Variants in PCDHA1 observed in about 807,000 individuals in gnomAD.
PCDHA1 encodes protocadherin alpha 1, also known as protocadherin alpha-1.
In PCDHA1, 42 loss-of-function variants were observed where a neutral mutation model predicts 61.3. The ratio of observed to expected loss-of-function variants is 0.69; its 90% CI spans 0.54 to 0.89. The LOEUF is 0.89. Among genes scored for constraint, PCDHA1 ranks in the 40% least tolerant of loss-of-function variants. The probability of loss-of-function intolerance (pLI) is 0.00; values close to 1 mark genes in which losing one functional copy is unlikely to be tolerated. For synonymous variants in PCDHA1, 610 were observed against 553.8 expected, an observed-to-expected ratio of 1.10 and a Z score of -1.43; for missense variants, 1,256 against 1,235.3, an observed-to-expected ratio of 1.02 and a Z score of -0.25.
chr5:140,921,268 C>G (rs2080134153), intron 1 of PCDHA1, among the ~76,000 whole-genome samples: 1 of 151,980 alleles, frequency 6.6e-6, no homozygotes, highest in Non-Finnish European at 1.5e-5. Context: ...GACTTTTATA[C>G]TTACTTGAAA....
At chr5:140,892,158 T>C (rs1442080527) in intron 1 of PCDHA1, among the ~76,000 whole-genome samples, 1 of 152,242 alleles carries the variant, frequency 6.6e-6, no homozygotes, top group Non-Finnish European at 1.5e-5. Context: ...ATTTCTGATA[T>C]GTCCAGTAAC....
At chr5:140,993,532 AG>A (rs2097571069) in intron 3 of PCDHA1, among the ~76,000 whole-genome samples, 7 of 152,102 alleles carry the variant, frequency 4.6e-5, no homozygotes, top group African/African-American at 1.7e-4. Context: ...ACAGAGAGAG[AG>A]AGAGATAGAG....
At chr5:140,822,370 TTAGA>T in intron 1 of PCDHA1, 2 of 1,614,126 alleles carry the variant, frequency 1.2e-6, no homozygotes, top group Non-Finnish European at 1.7e-6. Context: ...GAGGAAATCC[TTAGA>T]TAGAGAAGAA....
At chr5:140,900,439 G>A (rs1348507716) in intron 1 of PCDHA1, among the ~76,000 whole-genome samples, 1 of 152,242 alleles carries the variant, frequency 6.6e-6, no homozygotes, top group East Asian at 1.9e-4. Context: ...CACCACGGCC[G>A]GCTAATTTTT....
chr5:141,005,691 A>G (rs1481537036), intron 3 of PCDHA1, among the ~76,000 whole-genome samples: 1 of 134,408 alleles, frequency 7.4e-6, no homozygotes, highest in Non-Finnish European at 1.6e-5. Flanking sequence ...GACAGAGCGA[A>G]ACTCCGTCTC....
intron 1 of PCDHA1, among the ~76,000 whole-genome samples, chr5:140,914,813 C>T (rs1346638828): frequency 6.6e-6 from 1 of 152,070 alleles, no homozygotes; most frequent in Non-Finnish European, 1.5e-5. Flanking sequence ...GGCAACTTAA[C>T]AGACTGCATA....
intron 1 of PCDHA1, among the ~76,000 whole-genome samples, chr5:140,909,261 G>A (rs1358542746): frequency 6.6e-6 from 1 of 152,226 alleles, no homozygotes; most frequent in Admixed American, 6.5e-5. Flanking sequence ...CTTGCTGACT[G>A]AAGGCAAATT....
intron 1 of PCDHA1, among the ~76,000 whole-genome samples, chr5:140,799,318 G>T (rs1381321002): frequency 1.3e-5 from 2 of 151,844 alleles, no homozygotes; most frequent in African/African-American, 4.8e-5. Flanking sequence ...ACTCTTAAAG[G>T]TACTGAAAAG....
At chr5:140,993,468 AC>A (rs2097564676) in intron 3 of PCDHA1, among the ~76,000 whole-genome samples, 1 of 69,412 alleles carries the variant, frequency 1.4e-5, no homozygotes, top group South Asian at 5.5e-4. Context: ...TTTCTCACAC[AC>A]ACACACACAC....
chr5:140,836,615 G>T (rs2150265724), intron 1 of PCDHA1: 33 of 1,613,516 alleles, frequency 2.0e-5, no homozygotes, highest in Non-Finnish European at 4.2e-6. Context: ...GCTCCAGCGC[G>T]GTGGGGAGCT....
intron 1 of PCDHA1, chr5:140,807,084 G>A: frequency 7.7e-7 from 1 of 1,306,526 alleles, no homozygotes; most frequent in Non-Finnish European, 1.1e-6. Context: ...ACTCTTTGGA[G>A]TCTGAAATAT....
At chr5:140,790,903 T>C (rs2149902179) in intron 1 of PCDHA1, among the ~76,000 whole-genome samples, 1 of 152,338 alleles carries the variant, frequency 6.6e-6, no homozygotes, top group East Asian at 1.9e-4. Context: ...GAAAAGGTAA[T>C]TCTAGAATGG....
At chr5:141,006,553 G>A (rs1554260809) in intron 3 of PCDHA1, among the ~76,000 whole-genome samples, 1 of 152,168 alleles carries the variant, frequency 6.6e-6, no homozygotes, top group African/African-American at 2.4e-5. Context: ...AAGAAATAAA[G>A]ATGACTCTGG....
At chr5:140,964,753 T>A (rs1411001872) in intron 1 of PCDHA1, among the ~76,000 whole-genome samples, 1 of 149,084 alleles carries the variant, frequency 6.7e-6, no homozygotes, top group East Asian at 1.9e-4. Context: ...TGTAGGGATG[T>A]TTGGGGAGGA....
chr5:140,795,166 T>C, intron 1 of PCDHA1: 2 of 1,613,886 alleles, frequency 1.2e-6, no homozygotes, highest in East Asian at 2.2e-5. Flanking sequence ...CCGGGTGGCG[T>C]CCAAAAGACA....
chr5:140,988,739 G>A (rs2097310931), intron 3 of PCDHA1, among the ~76,000 whole-genome samples: 1 of 152,096 alleles, frequency 6.6e-6, no homozygotes, highest in Non-Finnish European at 1.5e-5. Flanking sequence ...AATTATTCTA[G>A]GATTGGTGGC....
intron 1 of PCDHA1, among the ~76,000 whole-genome samples, chr5:140,942,619 T>TA (rs35075175): frequency 5.6e-4 from 83 of 148,996 alleles, no homozygotes; most frequent in Non-Finnish European, 6.7e-4. Flanking sequence ...TTGCCAATTG[T>TA]AAAAAAAAAA....
intron 1 of PCDHA1, chr5:140,808,479 G>T (rs782290463): frequency 2.5e-6 from 4 of 1,614,186 alleles, no homozygotes; most frequent in East Asian, 2.2e-5. Context: ...CGAGACGGGG[G>T]CTCGCCTTCG....
At chr5:140,903,321 T>A (rs2070191003) in intron 1 of PCDHA1, among the ~76,000 whole-genome samples, 1 of 152,174 alleles carries the variant, frequency 6.6e-6, no homozygotes, top group Non-Finnish European at 1.5e-5. Flanking sequence ...GACAGCATTT[T>A]TATTGAGGAA....
Sources: allele counts gnomAD v4.1 joint callset (sites outside exome capture counted in the v4.1 genomes callset), GRCh38; gene constraint gnomAD v4.1.1; transcripts MANE v1.5; gene names NCBI Gene and HGNC (gene_info 2026-07-23, HGNC 2026-07-21).